The following ZC3H7B variants were observed in gnomAD, a reference collection of about 807,000 sequenced individuals.
The protein encoded by ZC3H7B is zinc finger CCCH domain-containing protein 7B.
Under a neutral mutation model 116.0 loss-of-function variants are expected in ZC3H7B, and 35 were observed. The ratio of observed to expected loss-of-function variants is 0.30; its 90% CI spans 0.23 to 0.40. The LOEUF (loss-of-function observed/expected upper bound fraction) is 0.40. Ranked by LOEUF, ZC3H7B falls within the 10% of genes least tolerant of loss-of-function variation. ZC3H7B has a pLI of 1.00. For missense variants in ZC3H7B, 1,011 were observed against 1,321.5 expected (o/e 0.77, Z 3.64); for synonymous variants, 502 against 545.6 (o/e 0.92, Z 1.11).
chr22:41,310,950 A>G (rs58275571), intron 1 of ZC3H7B, among the ~76,000 whole-genome samples: 1 of 151,888 alleles, frequency 6.6e-6, no homozygotes, highest in African/African-American at 2.4e-5. Flanking sequence ...TGTTTTTAGT[A>G]GAGAGGGGGT....
chr22:41,337,146 TAAATAAAAATACA>T (rs1239892276), intron 7 of ZC3H7B, among the ~76,000 whole-genome samples: 14 of 150,334 alleles, frequency 9.3e-5, no homozygotes, highest in Admixed American at 6.6e-4. Context: ...CAAAAAAGAA[TAAATAAAAATACA>T]AAATAAAAAT....
intron 1 of ZC3H7B, among the ~76,000 whole-genome samples, chr22:41,317,635 TA>T (rs957148493): frequency 1.3e-5 from 2 of 150,876 alleles, no homozygotes; most frequent in African/African-American, 4.9e-5. Flanking sequence ...AAAAAAAAAA[TA>T]AAATACAAAA....
chr22:41,311,075 T>C (rs919176421), intron 1 of ZC3H7B, among the ~76,000 whole-genome samples: 12 of 151,746 alleles, frequency 7.9e-5, no homozygotes, highest in East Asian at 7.7e-4. Context: ...TCACTTTTTT[T>C]TTTTTTTTTT....
In ZC3H7B at chr22:41,325,892, A is replaced by T; in HGVS notation, c.259A>T (p.Asn87Tyr). 1 of 1,609,510 alleles carries T rather than the reference A, an allele frequency of 6.2e-7. No homozygotes were observed. Among genetic ancestry groups the T allele is most frequent in the Non-Finnish European group, 8.5e-7 (1 of 1,178,790 alleles). The change falls in exon 4 of 23, where the codon AAT (asparagine) becomes TAT (tyrosine). Residue 87 changes from asparagine (N) to tyrosine (Y), a missense_variant. Around this residue, in one of 5 missense-constraint regions of ZC3H7B, gnomAD observed 322 missense variants for 443.9 expected, o/e 0.73. Coordinates refer to ENST00000352645, the MANE Select transcript of ZC3H7B (RefSeq NM_017590.6). ...GGAGCTGCTGTGCAAGCTGCATGTCAATAGGGCCGCCTGCTACTTCACCAT... is the reference window on the plus strand; with the variant it reads ...GGAGCTGCTGTGCAAGCTGCATGTCTATAGGGCCGCCTGCTACTTCACCAT... ...PRELLCKLHV[N>Y]RAACYFTMGL... is the part of the protein sequence containing the mutation.
intron 7 of ZC3H7B, chr22:41,335,648 A>G (rs2036435548): frequency 6.6e-6 from 1 of 152,312 alleles, no homozygotes; most frequent in South Asian, 2.1e-4. Flanking sequence ...TTGGCAGCCA[A>G]TCTATGGTGG....
chr22:41,330,932 G>A (rs946360971), intron 6 of ZC3H7B, among the ~76,000 whole-genome samples: 36 of 144,892 alleles, frequency 2.5e-4, no homozygotes, highest in African/African-American at 3.3e-4. Context: ...GCAGTGGCGC[G>A]ATCTCAGCTC....
intron 1 of ZC3H7B, among the ~76,000 whole-genome samples, chr22:41,310,491 C>A (rs1236281370): frequency 6.6e-6 from 1 of 152,010 alleles, no homozygotes; most frequent in Non-Finnish European, 1.5e-5. Flanking sequence ...GCACAAGGCA[C>A]GAAAGCAAGC....
intron 6 of ZC3H7B, among the ~76,000 whole-genome samples, chr22:41,330,895 C>CTGT (rs2036373282): frequency 2.1e-5 from 3 of 141,434 alleles, no homozygotes; most frequent in African/African-American, 7.9e-5. Context: ...GACTCTCGCT[C>CTGT]TGTCACCCAG....
At chr22:41,354,981 C>T (rs143588657) in intron 17 of ZC3H7B, among the ~76,000 whole-genome samples, 31 of 152,288 alleles carry the variant, frequency 2.0e-4, no homozygotes, top group African/African-American at 4.3e-4. Context: ...CACTCATAGA[C>T]GGGTGAGTCG....
intron 11 of ZC3H7B, among the ~76,000 whole-genome samples, chr22:41,341,880 G>A (rs965993833): frequency 6.6e-6 from 1 of 152,038 alleles, no homozygotes. Context: ...TGGCCAACAT[G>A]GTGATACCCC....
chr22:41,342,103 C>T (rs1307697348), intron 11 of ZC3H7B, among the ~76,000 whole-genome samples: 1 of 151,884 alleles, frequency 6.6e-6, no homozygotes, highest in Non-Finnish European at 1.5e-5. Context: ...CTGACCTACA[C>T]TAGCTGTGTG....
At chr22:41,317,471 C>T (rs928554685) in intron 1 of ZC3H7B, among the ~76,000 whole-genome samples, 13 of 152,082 alleles carry the variant, frequency 8.5e-5, no homozygotes, top group African/African-American at 2.9e-4. Context: ...GGGGCACAAA[C>T]GTCCAGGCCG....
chr22:41,356,858 A>T lies in ZC3H7B; in HGVS notation c.2681+50A>T, dbSNP rs770526279. 7 of 1,604,766 alleles carry T rather than the reference A, an allele frequency of 4.4e-6. No homozygotes were observed. In the Admixed American group the frequency reaches 1.0e-4, roughly 23 times the overall value. On this transcript the variant is annotated intron_variant, in intron 22 of 22. Coordinates refer to ENST00000352645, the MANE Select transcript of ZC3H7B (RefSeq NM_017590.6). Reference sequence around the variant, plus strand: ...GCGGGACATGGGGTGGCCCGAGGAGATGGAGTCCGTGGCCAGCTCTGGCTC... The same window carrying T: ...GCGGGACATGGGGTGGCCCGAGGAGTTGGAGTCCGTGGCCAGCTCTGGCTC...
At chr22:41,320,828 C>A (rs916655569) in intron 2 of ZC3H7B, 115 bp downstream of exon 2, 3 of 1,443,550 alleles carry the variant, frequency 2.1e-6, no homozygotes, top group Non-Finnish European at 2.9e-6. Flanking sequence ...TGCCAAGGCT[C>A]CTGTGTGCGC....
Position 41,338,396 on chromosome 22 carries a change from C to G in ZC3H7B, c.625+41C>G. 2 of 1,607,244 alleles carry G rather than the reference C, an allele frequency of 1.2e-6. No individual in the cohort carries two copies. Among genetic ancestry groups the G allele is most frequent in the African/African-American group, 2.7e-5 (2 of 74,950 alleles). ...CGAGGGAACAAGTGGAAATTGGGGC[C>G]CCGAGAGGTCAGGGGAGTCGAGCCC... On this transcript the variant is annotated intron_variant, in intron 8 of 22. Transcript: ENST00000352645. This position sits in a 1 kb window ranked among gnomAD's most constrained non-coding sequence, Gnocchi z 4.5.
chr22:41,306,973 CTTT>C (rs398061942), intron 1 of ZC3H7B, among the ~76,000 whole-genome samples: 3 of 129,060 alleles, frequency 2.3e-5, no homozygotes, highest in African/African-American at 5.7e-5. Flanking sequence ...CAGCTCCTTT[CTTT>C]TTTTTTTTTT....
At chr22:41,303,147 C>T (rs1323260723) in intron 1 of ZC3H7B, among the ~76,000 whole-genome samples, 2 of 152,196 alleles carry the variant, frequency 1.3e-5, no homozygotes, top group Non-Finnish European at 2.9e-5. Flanking sequence ...CCGTGTCCAC[C>T]TCCCACAGAA....
chr22:41,305,983 G>A (rs571471538), intron 1 of ZC3H7B, among the ~76,000 whole-genome samples: 1 of 152,312 alleles, frequency 6.6e-6, no homozygotes, highest in South Asian at 2.1e-4. Flanking sequence ...CTTCCTAGAA[G>A]TGCCATTTGA....
Position 41,338,567 on chromosome 22 carries a change from G to A in ZC3H7B, c.625+212G>A, listed in dbSNP as rs1396268461. Among the ~76,000 whole-genome samples the A allele has an allele frequency of 6.6e-6, 1 of 152,110 alleles. No homozygotes were observed. The highest frequency in any genetic ancestry group is 1.5e-5 in the Non-Finnish European group (1 of 67,994). On this transcript the variant is annotated intron_variant, in intron 8 of 22. Transcript: ENST00000352645. The surrounding 1 kb of genome is among the most constrained non-coding windows in gnomAD (Gnocchi z 4.5). ...CATCTCTAGTCTGGCAGAGAGGGGT[G>A]CTGCCTCTTAGCTAGGTGCAACAGT...
Sources: gnomAD v4.1 joint callset for allele counts (sites outside exome capture counted in the v4.1 genomes callset) on GRCh38, gnomAD v4.1.1 for gene constraint, gnomAD v4.1.1 regional missense constraint, Gnocchi (gnomAD v3.1) non-coding constraint, MANE v1.5 for transcripts, NCBI Gene and HGNC (gene_info 2026-07-23, HGNC 2026-07-21) for gene names.